Variants in KIAA1549 observed in about 807,000 individuals in gnomAD.
The protein encoded by KIAA1549 is KIAA1549, also known as UPF0606 protein KIAA1549.
Under a neutral mutation model 156.4 loss-of-function variants are expected in KIAA1549, and 70 were observed. That is an observed-to-expected ratio of 0.45 (90% CI 0.37 to 0.55). The LOEUF (loss-of-function observed/expected upper bound fraction) is 0.55. Ranked by LOEUF, KIAA1549 falls within the 20% of genes least tolerant of loss-of-function variation. The pLI, the probability that KIAA1549 is intolerant of heterozygous loss-of-function variation, is 0.00. For missense variants in KIAA1549, 2,428 were observed against 2,540.9 expected (o/e 0.96, Z 0.96); for synonymous variants, 1,103 against 1,066.4 (o/e 1.03, Z -0.67).
At chr7:138,895,011 A>G (rs999194701) in intron 9 of KIAA1549, among the ~76,000 whole-genome samples, 4 of 152,182 alleles carry the variant, frequency 2.6e-5, no homozygotes, top group Admixed American at 1.3e-4. Flanking sequence ...ATGCATCTCA[A>G]CTAGGAGTTT....
chr7:138,971,592 G>A (rs1025464771), intron 1 of KIAA1549, among the ~76,000 whole-genome samples: 3 of 152,082 alleles, frequency 2.0e-5, no homozygotes, highest in Non-Finnish European at 1.5e-5. Context: ...CACCCTTCAT[G>A]CCGCAGAAGC....
At chr7:138,929,720 T>C (rs1336507706) in intron 1 of KIAA1549, among the ~76,000 whole-genome samples, 1 of 152,194 alleles carries the variant, frequency 6.6e-6, no homozygotes, top group Non-Finnish European at 1.5e-5. Context: ...GACAGTGCCT[T>C]GCTCTATTTC....
At chr7:138,905,335 A>T (rs191987261) in intron 6 of KIAA1549, among the ~76,000 whole-genome samples, 135 of 152,356 alleles carry the variant, frequency 8.9e-4, no homozygotes, top group African/African-American at 2.9e-3. Context: ...GGTCACCGGC[A>T]AGTTCTCCTT....
chr7:138,896,160 C>T (rs6944822), intron 9 of KIAA1549, among the ~76,000 whole-genome samples: 12,071 of 152,256 alleles, frequency 0.079, 603 homozygotes, highest in East Asian at 0.17. Context: ...CCGGTCTTGA[C>T]GCCAAATCTT....
chr7:138,935,665 G>A (rs561405976), intron 1 of KIAA1549, among the ~76,000 whole-genome samples: 2 of 152,128 alleles, frequency 1.3e-5, no homozygotes, highest in Admixed American at 6.5e-5. Flanking sequence ...CCAACAGCAG[G>A]AGCCAGCAGC....
chr7:138,913,595 C>G (rs369444078), intron 2 of KIAA1549, among the ~76,000 whole-genome samples: 1 of 152,116 alleles, frequency 6.6e-6, no homozygotes. Flanking sequence ...CAGAATCACT[C>G]TGTATTCTTC....
At chr7:138,867,815 A>G (rs1810794166) in intron 15 of KIAA1549, among the ~76,000 whole-genome samples, 160 bp downstream of exon 15, 1 of 152,060 alleles carries the variant, frequency 6.6e-6, no homozygotes, top group South Asian at 2.1e-4. Context: ...CACCCCACCC[A>G]CTTCATGACC....
intron 16 of KIAA1549, among the ~76,000 whole-genome samples, chr7:138,858,294 C>T (rs1032046558): frequency 1.3e-5 from 2 of 152,056 alleles, no homozygotes; most frequent in African/African-American, 4.8e-5. Context: ...CAGAGTCTCA[C>T]TGTGTTGCCC....
intron 16 of KIAA1549, among the ~76,000 whole-genome samples, chr7:138,855,970 G>T (rs7779986): frequency 0.45 from 68,785 of 151,696 alleles, 17,730 homozygotes; most frequent in African/African-American, 0.71. Context: ...GCCCAATCTT[G>T]CCCTCCTCCT....
At position 138,869,678 on chromosome 7, in the gene KIAA1549, G is replaced by T; in HGVS notation, c.4635C>A (p.Tyr1545Ter). The T allele has an allele frequency of 6.2e-7, 1 of 1,612,370 alleles. No homozygotes were observed. The highest frequency in any genetic ancestry group is 8.5e-7 in the Non-Finnish European group (1 of 1,179,832). Residue 1545 changes from tyrosine (Y) to a stop codon, truncating the protein, a stop_gained, in exon 14 of 20, where the codon TAC (tyrosine) becomes TAA (stop). Coordinates refer to ENST00000422774, the MANE Select transcript of KIAA1549 (RefSeq NM_001164665.2). LOFTEE classifies it high-confidence loss of function. ...IRLRAKRRGH[Y>*]EFPVVDDLSS... The stretch of plus-strand genomic sequence containing the variant: ...ACAGGTCGTCTACCACCGGGAACTC[G>T]TAGTGCCCGCGGCGCTTGGCGCGCA...
intron 1 of KIAA1549, among the ~76,000 whole-genome samples, chr7:138,924,662 TTTTC>T (rs916882055): frequency 4.7e-4 from 72 of 152,222 alleles, no homozygotes; most frequent in African/African-American, 1.3e-3. Context: ...GGATGCTTTT[TTTTC>T]TTTCTTTCTC....
At chr7:138,908,875 A>G (rs964609662) in intron 5 of KIAA1549, 116 bp downstream of exon 5, 4 of 1,268,830 alleles carry the variant, frequency 3.2e-6, no homozygotes, top group African/African-American at 1.5e-5. Context: ...CCCGACTCAC[A>G]TAAACTGGGT....
At chr7:138,843,137 T>C (rs1268156298) in intron 18 of KIAA1549, among the ~76,000 whole-genome samples, 1 of 152,204 alleles carries the variant, frequency 6.6e-6, no homozygotes, top group Non-Finnish European at 1.5e-5. Context: ...CTAGGCACTA[T>C]TTTGAGCACT....
At chr7:138,856,708 G>A (rs1048670084) in intron 16 of KIAA1549, among the ~76,000 whole-genome samples, 1 of 152,118 alleles carries the variant, frequency 6.6e-6, no homozygotes, top group Non-Finnish European at 1.5e-5. Flanking sequence ...CACTTTTAGT[G>A]CCCGCTCTGT....
At chr7:138,941,287 G>A (rs1350444224) in intron 1 of KIAA1549, among the ~76,000 whole-genome samples, 1 of 152,046 alleles carries the variant, frequency 6.6e-6, no homozygotes, top group Non-Finnish European at 1.5e-5. Context: ...ATATATTAAA[G>A]TCCCCCTCCC....
At chr7:138,935,925 G>A (rs1427482398) in intron 1 of KIAA1549, among the ~76,000 whole-genome samples, 1 of 152,218 alleles carries the variant, frequency 6.6e-6, no homozygotes, top group Non-Finnish European at 1.5e-5. Context: ...AGTGGTTGGA[G>A]AGAATAATAC....
chr7:138,976,614 T>A (rs188491038), intron 1 of KIAA1549, among the ~76,000 whole-genome samples: 87 of 152,328 alleles, frequency 5.7e-4, no homozygotes, highest in African/African-American at 2.0e-3. Context: ...TTAAACTTTA[T>A]TGCAGGTATG....
At chr7:138,914,310 C>T (rs183102123) in intron 2 of KIAA1549, among the ~76,000 whole-genome samples, 1 of 152,288 alleles carries the variant, frequency 6.6e-6, no homozygotes, top group Admixed American at 6.5e-5. Flanking sequence ...GGATCATCAG[C>T]AAACAAATAT....
At position 138,879,585 on chromosome 7, in the gene KIAA1549, G is replaced by A. The variant is rs141076075; in HGVS notation, c.4298C>T (p.Thr1433Met). 1.1e-5 allele frequency: 18 copies of A among 1,569,756 alleles called. No homozygotes were observed. Among genetic ancestry groups the A allele is most frequent in the African/African-American group, 9.5e-5 (7 of 73,890 alleles). Residue 1433 changes from threonine to methionine, a missense_variant, in exon 12 of 20, where the codon ACG becomes ATG. Coordinates refer to ENST00000422774, the MANE Select transcript of KIAA1549 (RefSeq NM_001164665.2). ...ESSERDAGDK[T>M]PGAVNDGRSH... ...CCTGCCATCGTTGACGGCTCCCGGC[G>A]TCTTATCTCCTGCGTCCCTCTCGCT...
Sources: gnomAD v4.1 joint callset for allele counts (sites outside exome capture counted in the v4.1 genomes callset) on GRCh38, gnomAD v4.1.1 for gene constraint, MANE v1.5 for transcripts, NCBI Gene and HGNC (gene_info 2026-07-23, HGNC 2026-07-21) for gene names.